The following CNKSR3 variants were observed in gnomAD, a reference collection of about 807,000 sequenced individuals.
The protein encoded by CNKSR3 is connector enhancer of kinase suppressor of ras 3.
A neutral mutation model predicts 67.7 loss-of-function variants in CNKSR3; 36 were observed. The ratio of observed to expected loss-of-function variants is 0.53; its 90% confidence interval spans 0.41 to 0.70. CNKSR3 has a LOEUF of 0.70. Ranked by LOEUF, CNKSR3 falls within the 30% of genes least tolerant of loss-of-function variation. The pLI is 0.00. For missense variants in CNKSR3, 630 were observed against 695.2 expected, an observed-to-expected ratio of 0.91 and a Z score of 1.05; for synonymous variants, 281 against 271.4, an observed-to-expected ratio of 1.04 and a Z score of -0.35.
At chr6:154,456,403 C>A (rs1199614893) in intron 1 of CNKSR3, among the ~76,000 whole-genome samples, 1 of 151,590 alleles carries the variant, frequency 6.6e-6, no homozygotes, top group Admixed American at 6.6e-5. Flanking sequence ...TTTTAAGAAT[C>A]ACAAGTGACA....
chr6:154,395,639 G>A lies in CNKSR3; in HGVS notation c.*10715C>T, dbSNP rs1341446336. ...TTAATGCAGTTTGTTGTCTCCAAAA[G>A]AGCAGCAACAATATTCTCAGTGGTT... On this transcript the variant is annotated 3_prime_UTR_variant, in exon 13 of 13. Transcript: ENST00000607772. 1 of 152,174 alleles carries A rather than the reference G, an allele frequency of 6.6e-6. No individual in the cohort carries two copies. The highest frequency in any genetic ancestry group is 6.5e-5 in the Admixed American group (1 of 15,272). 9.4% of individuals were successfully genotyped at this position (152,174 alleles called of 1,614,324 possible). A position where few individuals can be genotyped will look rare whatever the true frequency, so the allele number is the denominator to read the frequency against.
chr6:154,428,666 G>A (rs1282570076), intron 6 of CNKSR3, among the ~76,000 whole-genome samples: 1 of 150,000 alleles, frequency 6.7e-6, no homozygotes, highest in East Asian at 1.9e-4. Flanking sequence ...CTACAGGTGT[G>A]TGCTACCACA....
intron 4 of CNKSR3, among the ~76,000 whole-genome samples, chr6:154,434,505 C>A (rs2128716266): frequency 6.6e-6 from 1 of 152,274 alleles, no homozygotes; most frequent in South Asian, 2.1e-4. Flanking sequence ...ATTTTTAGGT[C>A]ATTTTTTACT....
At chr6:154,496,266 A>G (rs936870341) in intron 1 of CNKSR3, among the ~76,000 whole-genome samples, 1 of 152,216 alleles carries the variant, frequency 6.6e-6, no homozygotes, top group South Asian at 2.1e-4. Context: ...CAAAACTAAA[A>G]AAGAAATAAA....
intron 1 of CNKSR3, among the ~76,000 whole-genome samples, chr6:154,496,586 A>G (rs1786883604): frequency 6.6e-6 from 1 of 152,230 alleles, no homozygotes; most frequent in East Asian, 1.9e-4. Context: ...TTTTAAATAT[A>G]CAGTCATATC....
Position 154,397,908 on chromosome 6 carries a change from C to A in CNKSR3, c.*8446G>T, listed in dbSNP as rs1174279040. 1 of 152,266 alleles carries A rather than the reference C, an allele frequency of 6.6e-6. No homozygotes were observed. 9.4% of individuals were successfully genotyped at this position (152,266 alleles called of 1,614,324 possible). A position where few individuals can be genotyped will look rare whatever the true frequency, so the allele number is the denominator to read the frequency against. On this transcript the variant is annotated 3_prime_UTR_variant, in exon 13 of 13. Coordinates refer to ENST00000607772, the MANE Select transcript of CNKSR3 (RefSeq NM_173515.4). Reference sequence around the variant, plus strand: ...TGTGAGATGCACAGGGCAGACAGTACAGCCTGCAACTGTGGCGCAGGCGCA... The same window carrying A: ...TGTGAGATGCACAGGGCAGACAGTAAAGCCTGCAACTGTGGCGCAGGCGCA...
At position 154,458,857 on chromosome 6, in the gene CNKSR3, G is replaced by A. The variant is rs941345825; in HGVS notation, c.53-8599C>T. Reference sequence around the variant, plus strand: ...TGTGGTTAAATTTAATTTGAAGAACGGGGACCATGATGAAACATAATGTCT... The same window carrying A: ...TGTGGTTAAATTTAATTTGAAGAACAGGGACCATGATGAAACATAATGTCT... On this transcript the variant is annotated intron_variant, in intron 1 of 12. Coordinates refer to ENST00000607772, the MANE Select transcript of CNKSR3 (RefSeq NM_173515.4). Among the ~76,000 whole-genome samples, 9 of 151,994 alleles carry A rather than the reference G, an allele frequency of 5.9e-5. 1 individual carries two copies. Among genetic ancestry groups the A allele is most frequent in the African/African-American group, 4.8e-5 (2 of 41,364 alleles).
In CNKSR3 at chr6:154,410,391, T is replaced by C. The variant is rs895190263; in HGVS notation, c.1321A>G (p.Met441Val). 2.5e-6 allele frequency: 4 copies of C among 1,614,012 alleles called. No homozygotes were observed. The highest frequency in any genetic ancestry group is 3.4e-6 in the Non-Finnish European group (4 of 1,179,950). Reference protein sequence around the residue: ...PLSMPADGNWMGIVDPFARPR... With the variant: ...PLSMPADGNWVGIVDPFARPR... ...CTGGCAAAAGGGTCCACAATCCCCA[T>C]CCAGTTCCCATCAGCAGGCATGGAC... is the stretch of plus-strand genomic sequence containing the variant. Residue 441 changes from methionine (M) to valine (V), a missense_variant, in exon 12 of 13, where the codon ATG (methionine) becomes GTG (valine). Physicochemically the swap from Met to Val is conservative, Grantham distance 21 (BLOSUM62 1). Around this residue, in one of 3 missense-constraint regions of CNKSR3, gnomAD observed 308 missense variants for 299.6 expected, o/e 1.03. Transcript: ENST00000607772.
At chr6:154,490,417 T>C (rs1456866406) in intron 1 of CNKSR3, among the ~76,000 whole-genome samples, 1 of 152,212 alleles carries the variant, frequency 6.6e-6, no homozygotes, top group Non-Finnish European at 1.5e-5. Flanking sequence ...ATATATATCA[T>C]ATGTATTATG....
chr6:154,431,423 A>C (rs971519262), intron 5 of CNKSR3, among the ~76,000 whole-genome samples: 11 of 143,412 alleles, frequency 7.7e-5, no homozygotes, highest in African/African-American at 3.0e-4. Context: ...AGCCTGGGTA[A>C]CAGAGCGAGA....
At chr6:154,442,042 CTCTA>C (rs1297939572) in intron 3 of CNKSR3, 42 bp downstream of exon 3, 2 of 1,502,654 alleles carry the variant, frequency 1.3e-6, no homozygotes, top group South Asian at 1.3e-5. Context: ...GCAGCTTGGA[CTCTA>C]TCTACTCTTG....
At position 154,487,069 on chromosome 6, in the gene CNKSR3, A is replaced by G. The variant is rs796196531; in HGVS notation, c.52+22994T>C. Among the ~76,000 whole-genome samples, 65 of 152,172 alleles carry G rather than the reference A, an allele frequency of 4.3e-4. 1 individual carries two copies. Among genetic ancestry groups the G allele is most frequent in the African/African-American group, 8.7e-4 (36 of 41,520 alleles). On this transcript the variant is annotated intron_variant, in intron 1 of 12. Coordinates refer to ENST00000607772, the MANE Select transcript of CNKSR3 (RefSeq NM_173515.4). ...TGGGACTACAGGCACGTGCCACCAC[A>G]CCCAGCTAATTTTTGTATTTTTAGT...
chr6:154,408,035 CT>C (rs1025163558), intron 12 of CNKSR3, among the ~76,000 whole-genome samples: 2 of 151,740 alleles, frequency 1.3e-5, no homozygotes, highest in Non-Finnish European at 2.9e-5. Context: ...TACTTCTCCC[CT>C]TTTTTTGAGA....
chr6:154,441,826 T>C (rs1008052577), intron 3 of CNKSR3, among the ~76,000 whole-genome samples: 19 of 152,190 alleles, frequency 1.2e-4, no homozygotes, highest in African/African-American at 3.6e-4. Flanking sequence ...CCTCAACCAT[T>C]AATGTTTAAT....
intron 1 of CNKSR3, among the ~76,000 whole-genome samples, chr6:154,484,059 T>C (rs1047580135): frequency 6.6e-6 from 1 of 152,184 alleles, no homozygotes; most frequent in Non-Finnish European, 1.5e-5. Context: ...TCACAAACCT[T>C]CTGAACTGGG....
Position 154,401,624 on chromosome 6 carries a change from T to C in CNKSR3, c.*4730A>G, listed in dbSNP as rs1171190258. 1 of 152,248 alleles carries C rather than the reference T, an allele frequency of 6.6e-6. No individual in the cohort carries two copies. Among genetic ancestry groups the C allele is most frequent in the East Asian group, 1.9e-4 (1 of 5,204 alleles). 9.4% of individuals were successfully genotyped at this position (152,248 alleles called of 1,614,324 possible). On this transcript the variant is annotated 3_prime_UTR_variant, in exon 13 of 13. Coordinates refer to ENST00000607772, the MANE Select transcript of CNKSR3 (RefSeq NM_173515.4). The stretch of plus-strand genomic sequence containing the variant: ...TACCAAAAGTAGTTTACTTTTAAGA[T>C]GTCCATCTTCCACAGAATCTCCAAG...
chr6:154,486,044 A>G (rs1027947834), intron 1 of CNKSR3, among the ~76,000 whole-genome samples: 6 of 152,242 alleles, frequency 3.9e-5, no homozygotes, highest in Non-Finnish European at 5.9e-5. Flanking sequence ...GCAGCAGTAA[A>G]GCAGGAAATG....
rs2128709978 is a variant in CNKSR3 at position 154,405,985 on chromosome 6, C to T, written c.*369G>A. 5.5e-6 allele frequency: 1 copy of T among 182,794 alleles called. No homozygotes were observed. The highest frequency in any genetic ancestry group is 1.5e-4 in the East Asian group (1 of 6,888). The allele number at this position is 182,794 out of a possible 1,614,324, so 11.3% of individuals were successfully genotyped here. On this transcript the variant is annotated 3_prime_UTR_variant, in exon 13 of 13. Transcript: ENST00000607772. ...CAACACATCTGTGTGAAAACAGCCA[C>T]CAATTTGAGTCCCCCCAGCCCCTCA...
At chr6:154,437,493 A>G (rs1237945609) in intron 4 of CNKSR3, among the ~76,000 whole-genome samples, 1 of 141,144 alleles carries the variant, frequency 7.1e-6, no homozygotes, top group Non-Finnish European at 1.5e-5. Context: ...GGCTGACTGC[A>G]ACCTCCGCCT....
Sources: allele counts gnomAD v4.1 joint callset (sites outside exome capture counted in the v4.1 genomes callset), GRCh38; gene constraint gnomAD v4.1.1; regional missense constraint gnomAD v4.1.1; transcripts MANE v1.5; gene names NCBI Gene and HGNC (gene_info 2026-07-23, HGNC 2026-07-21).